The following GFRAL variants were observed in gnomAD, a reference collection of about 807,000 sequenced individuals.
GFRAL encodes the protein GDNF family receptor alpha like, also known as GDNF family receptor alpha-like.
In GFRAL, 36 loss-of-function variants were observed where a neutral mutation model predicts 45.4. The ratio of observed to expected loss-of-function variants is 0.79; its 90% CI spans 0.61 to 1.05. GFRAL has a LOEUF of 1.05. GFRAL is among the 50% of genes least tolerant of loss of function. The probability of loss-of-function intolerance (pLI) is 0.00; values close to 1 mark genes in which losing one functional copy is unlikely to be tolerated. For missense variants in GFRAL, 507 were observed against 467.5 expected (o/e 1.08, Z -0.78); for synonymous variants, 166 against 154.1 (o/e 1.08, Z -0.57).
chr6:55,387,863 G>A (rs761769740), intron 6 of GFRAL, among the ~76,000 whole-genome samples: 5 of 152,130 alleles, frequency 3.3e-5, no homozygotes, highest in Admixed American at 6.5e-5. Flanking sequence ...TGAGAACAAC[G>A]TAATTTTCAT....
chr6:55,386,692 A>G (rs1055825527), intron 6 of GFRAL, among the ~76,000 whole-genome samples: 7 of 152,156 alleles, frequency 4.6e-5, no homozygotes, highest in East Asian at 1.9e-4. Flanking sequence ...AGGACCTTTC[A>G]AAATTCAAAA....
chr6:55,351,124 T>A, intron 4 of GFRAL, 129 bp from the exon 5 acceptor site: 1 of 677,988 alleles, frequency 1.5e-6, no homozygotes, highest in Non-Finnish European at 2.6e-6. Context: ...AAAGATGTAA[T>A]GTTTGCCAAA....
At chr6:55,331,608 TAC>T in intron 1 of GFRAL, 105 bp from the exon 2 acceptor site, 1 of 934,090 alleles carries the variant, frequency 1.1e-6, no homozygotes, top group South Asian at 1.9e-5. Context: ...ATTATTTCAC[TAC>T]ATGTTATTTT....
chr6:55,395,175 A>AATATATATATATATATATATAT (rs1234650477), intron 6 of GFRAL, among the ~76,000 whole-genome samples: 5 of 123,506 alleles, frequency 4.0e-5, no homozygotes, highest in African/African-American at 1.4e-4. Flanking sequence ...AAAAAAAAAA[A>AATATATATATATATATATATAT]ATATATATAT....
At chr6:55,379,598 A>ACAC (rs1562062025) in intron 6 of GFRAL, among the ~76,000 whole-genome samples, 2 of 47,476 alleles carry the variant, frequency 4.2e-5, no homozygotes, top group African/African-American at 1.3e-4. Flanking sequence ...CACACACACA[A>ACAC]ACTGTGGAAT....
At chr6:55,342,958 A>G (rs1244286927) in intron 3 of GFRAL, among the ~76,000 whole-genome samples, 1 of 152,210 alleles carries the variant, frequency 6.6e-6, no homozygotes, top group Admixed American at 6.5e-5. Flanking sequence ...AAAGGGATCA[A>G]TTGAACAAGA....
At chr6:55,341,389 T>C (rs9357860) in intron 3 of GFRAL, among the ~76,000 whole-genome samples, 75,794 of 151,990 alleles carry the variant, frequency 0.5, 20,465 homozygotes, top group Non-Finnish European at 0.63. Context: ...CTGCAACCTC[T>C]GCTTCTGACA....
chr6:55,331,706 T>A lies in GFRAL; in HGVS notation c.23-9T>A. ...TATTACAACCTTGTTTTTGTTGTTGTTATTCAAGCTATGGGGTTAAGCTTG... is the reference window on the plus strand; with the variant it reads ...TATTACAACCTTGTTTTTGTTGTTGATATTCAAGCTATGGGGTTAAGCTTG... On this transcript the variant is annotated splice_polypyrimidine_tract_variant and intron_variant, in intron 1 of 8. Transcript: ENST00000340465. The A allele has an allele frequency of 6.3e-7, 1 of 1,594,710 alleles. No individual in the cohort carries two copies. The highest frequency in any genetic ancestry group is 8.5e-7 in the Non-Finnish European group (1 of 1,173,574).
intron 6 of GFRAL, among the ~76,000 whole-genome samples, chr6:55,388,409 G>A (rs138796173): frequency 1.9e-4 from 29 of 152,294 alleles, no homozygotes; most frequent in African/African-American, 6.3e-4. Context: ...GTCTGTGTAG[G>A]AAGATGCTAC....
At chr6:55,335,497 ATG>A (rs1216436393) in intron 3 of GFRAL, among the ~76,000 whole-genome samples, 3 of 152,106 alleles carry the variant, frequency 2.0e-5, no homozygotes, top group Non-Finnish European at 1.5e-5. Flanking sequence ...CATACTTTTG[ATG>A]TTGCATCTAA....
At chr6:55,398,778 GC>G (rs1397402355) in intron 6 of GFRAL, among the ~76,000 whole-genome samples, 1 of 152,106 alleles carries the variant, frequency 6.6e-6, no homozygotes, top group Non-Finnish European at 1.5e-5. Flanking sequence ...AGGGAAAAAA[GC>G]AAAACTAGGT....
chr6:55,387,069 T>A (rs1215481923), intron 6 of GFRAL, among the ~76,000 whole-genome samples: 1 of 152,122 alleles, frequency 6.6e-6, no homozygotes, highest in African/African-American at 2.4e-5. Flanking sequence ...GTATGAATCA[T>A]CATTTGACTA....
At chr6:55,335,000 C>G (rs1287362572) in intron 3 of GFRAL, among the ~76,000 whole-genome samples, 2 of 152,128 alleles carry the variant, frequency 1.3e-5, no homozygotes, top group Non-Finnish European at 2.9e-5. Context: ...TATTCACATA[C>G]AAGATTCAGA....
intron 6 of GFRAL, 84 bp downstream of exon 6, chr6:55,359,222 A>G (rs1316469605): frequency 8.8e-7 from 1 of 1,141,716 alleles, no homozygotes; most frequent in African/African-American, 1.6e-5. Context: ...TTGCCTATAC[A>G]GTAAAAGAGG....
In GFRAL at chr6:55,377,122, A is replaced by AT. The variant is rs1318640518; in HGVS notation, c.952+17985dup. Among the ~76,000 whole-genome samples, 3 of 152,106 alleles carry AT rather than the reference A, an allele frequency of 2.0e-5. No individual in the cohort carries two copies. The South Asian group carries it at 6.2e-4, about 32-fold the overall frequency. On this transcript the variant is annotated intron_variant, in intron 6 of 8. Coordinates refer to ENST00000340465, the MANE Select transcript of GFRAL (RefSeq NM_207410.2). ...ACATGTAGTGCTACTGGCTGGGTGG[A>AT]TATCTGATCTCCTTTGCAAATTGTA... is the stretch of plus-strand genomic sequence containing the variant.
chr6:55,334,080 A>T (rs1767863402), intron 3 of GFRAL, 136 bp downstream of exon 3: 1 of 628,822 alleles, frequency 1.6e-6, no homozygotes, highest in Non-Finnish European at 2.5e-6. Context: ...TATTTTAAAA[A>T]TTTTGTTGGT....
chr6:55,333,950 AT>A lies in GFRAL; in HGVS notation c.316+10del. The stretch of plus-strand genomic sequence containing the variant: ...AAAATGTATCAATAAATCAGGTAAT[AT>A]TTTGTTTTAAGAAATGTTTATAGTC... On this transcript the variant is annotated splice_region_variant and intron_variant, in intron 3 of 8. Transcript: ENST00000340465. 1.3e-6 allele frequency: 2 copies of A among 1,505,040 alleles called. No individual in the cohort carries two copies. The highest frequency in any genetic ancestry group is 2.8e-5 in the African/African-American group (2 of 71,428). 93.2% of individuals were successfully genotyped at this position (1,505,040 alleles called of 1,614,324 possible).
chr6:55,360,440 G>A (rs1768258231), intron 6 of GFRAL, among the ~76,000 whole-genome samples: 1 of 151,840 alleles, frequency 6.6e-6, no homozygotes, highest in Non-Finnish European at 1.5e-5. Context: ...ATATACAGAT[G>A]CATATTTACA....
intron 3 of GFRAL, among the ~76,000 whole-genome samples, chr6:55,345,451 C>T (rs1768027449): frequency 6.6e-6 from 1 of 152,122 alleles, no homozygotes; most frequent in African/African-American, 2.4e-5. Flanking sequence ...GGAAAGGATT[C>T]CCTGTTGAAT....
Sources: allele counts gnomAD v4.1 joint callset (sites outside exome capture counted in the v4.1 genomes callset), GRCh38; gene constraint gnomAD v4.1.1; transcripts MANE v1.5; gene names NCBI Gene and HGNC (gene_info 2026-07-23, HGNC 2026-07-21).